GALNT17: variants seen among roughly 807,000 people sequenced by gnomAD.
The protein encoded by GALNT17 is polypeptide N-acetylgalactosaminyltransferase 17.
Under a neutral mutation model 63.7 loss-of-function variants are expected in GALNT17, and 29 were observed. That is an observed-to-expected ratio of 0.46 (90% CI 0.34 to 0.62). The LOEUF is 0.62. GALNT17 is among the 20% of genes least tolerant of loss of function. GALNT17 has a pLI of 0.01. For missense variants in GALNT17, 603 were observed against 799.6 expected (o/e 0.75, Z 2.97); for synonymous variants, 305 against 318.3 (o/e 0.96, Z 0.45).
chr7:71,489,567 C>A (rs540078249), intron 5 of GALNT17, among the ~76,000 whole-genome samples: 1 of 152,344 alleles, frequency 6.6e-6, no homozygotes, highest in Non-Finnish European at 1.5e-5. Flanking sequence ...TGATGTGAGA[C>A]TGTTGTGCTG....
intron 9 of GALNT17, among the ~76,000 whole-genome samples, chr7:71,694,437 A>G (rs1791510048): frequency 6.7e-6 from 1 of 148,182 alleles, no homozygotes; most frequent in South Asian, 2.1e-4. Context: ...GGCTCACTGC[A>G]ACCTCTGCCA....
intron 5 of GALNT17, among the ~76,000 whole-genome samples, chr7:71,479,296 A>G (rs1201190432): frequency 6.6e-6 from 1 of 152,108 alleles, no homozygotes; most frequent in African/African-American, 2.4e-5. Flanking sequence ...TGTGGCAAGT[A>G]AAGAAAAGGC....
chr7:71,437,790 C>T (rs1321953453), intron 5 of GALNT17, among the ~76,000 whole-genome samples: 3 of 152,196 alleles, frequency 2.0e-5, no homozygotes, highest in African/African-American at 7.2e-5. Context: ...TCATAGCTCA[C>T]TGTAACCTTG....
At position 71,413,541 on chromosome 7, in the gene GALNT17, G is replaced by GCA. The variant is rs562580886; in HGVS notation, c.590-2348_590-2347insCA. ...CCACCATGCCCAGCTATTATTTTTT[G>GCA]TATTTTTTTTTTAGAAGAGACAGGG... On this transcript the variant is annotated intron_variant, in intron 3 of 10. Transcript: ENST00000333538. Among the ~76,000 whole-genome samples the GCA allele has an allele frequency of 6.2e-4, 37 of 59,880 alleles. 4 individuals carry two copies. Among genetic ancestry groups the GCA allele is most frequent in the East Asian group, 4.7e-3 (14 of 3,002 alleles). The allele number at this position is 59,880 out of a possible 152,430, so 39.3% of individuals were successfully genotyped here.
chr7:71,408,691 T>C (rs1322965274), intron 3 of GALNT17, among the ~76,000 whole-genome samples: 1 of 151,912 alleles, frequency 6.6e-6, no homozygotes, highest in African/African-American at 2.4e-5. Context: ...CCGGGTAACA[T>C]AGCGAGACCT....
chr7:71,568,850 A>G (rs1011698913), intron 5 of GALNT17, among the ~76,000 whole-genome samples: 13 of 152,218 alleles, frequency 8.5e-5, no homozygotes, highest in South Asian at 6.2e-4. Flanking sequence ...CTAATTTACA[A>G]TGCATGGTCC....
At chr7:71,189,946 G>A (rs1788919852) in intron 1 of GALNT17, among the ~76,000 whole-genome samples, 1 of 151,926 alleles carries the variant, frequency 6.6e-6, no homozygotes, top group Non-Finnish European at 1.5e-5. Flanking sequence ...GAGTAGCTGG[G>A]ACTACAGGTG....
At chr7:71,576,344 G>A (rs1233143625) in intron 6 of GALNT17, among the ~76,000 whole-genome samples, 2 of 152,180 alleles carry the variant, frequency 1.3e-5, no homozygotes, top group Non-Finnish European at 2.9e-5. Context: ...TTGTGAGAAT[G>A]ATTTATTTAT....
At chr7:71,335,104 C>G (rs1482308954) in intron 1 of GALNT17, among the ~76,000 whole-genome samples, 1 of 152,048 alleles carries the variant, frequency 6.6e-6, no homozygotes, top group Non-Finnish European at 1.5e-5. Context: ...TCCCAGTCCC[C>G]AAAAGGAGAG....
chr7:71,665,413 A>G lies in GALNT17; in HGVS notation c.1083A>G (p.Val361=), dbSNP rs766487027. ...TGATGAAATCTTTGTACCCCTAGGT[A>G]TGGCTCTGTGGGGGCAGCATGGAGG... is the stretch of plus-strand genomic sequence containing the variant. ...GGENIELGIK[V]WLCGGSMEVL... Residue 361 remains valine (V), a splice_region_variant and synonymous_variant, in exon 7 of 11, where the codon GTA becomes GTG. Coordinates refer to ENST00000333538, the MANE Select transcript of GALNT17 (RefSeq NM_022479.3). The G allele has an allele frequency of 3.1e-6, 5 of 1,608,366 alleles. No individual in the cohort carries two copies. Among genetic ancestry groups the G allele is most frequent in the Non-Finnish European group, 4.2e-6 (5 of 1,178,740 alleles).
chr7:71,377,536 G>T (rs1466673335), intron 2 of GALNT17, among the ~76,000 whole-genome samples: 5 of 151,982 alleles, frequency 3.3e-5, no homozygotes, highest in Admixed American at 6.6e-5. Context: ...ATCTCTTCCT[G>T]CCCTGCTTCT....
chr7:71,211,129 G>A (rs1276058488), intron 1 of GALNT17, among the ~76,000 whole-genome samples: 1 of 152,132 alleles, frequency 6.6e-6, no homozygotes, highest in Non-Finnish European at 1.5e-5. Flanking sequence ...TTACCTTGGT[G>A]ATATGGTTTG....
intron 1 of GALNT17, among the ~76,000 whole-genome samples, chr7:71,329,047 T>G (rs1170276301): frequency 6.6e-6 from 1 of 152,180 alleles, no homozygotes; most frequent in African/African-American, 2.4e-5. Context: ...GATTGGAAGC[T>G]CTCTATTTAG....
At chr7:71,670,137 T>C in intron 8 of GALNT17, 28 bp downstream of exon 8, 1 of 1,613,778 alleles carries the variant, frequency 6.2e-7, no homozygotes, top group Non-Finnish European at 8.5e-7. Flanking sequence ...TGCTTTTGGC[T>C]TGGAATGCTG....
At chr7:71,221,854 C>G (rs778035661) in intron 1 of GALNT17, among the ~76,000 whole-genome samples, 1 of 151,450 alleles carries the variant, frequency 6.6e-6, no homozygotes, top group Non-Finnish European at 1.5e-5. Flanking sequence ...ATGGTCAAAG[C>G]TCATAAATTA....
chr7:71,431,497 A>G (rs1364517074), intron 5 of GALNT17, among the ~76,000 whole-genome samples: 2 of 152,066 alleles, frequency 1.3e-5, no homozygotes, highest in African/African-American at 4.8e-5. Flanking sequence ...GGTGGGAGCC[A>G]CCGTACCTGG....
intron 1 of GALNT17, among the ~76,000 whole-genome samples, chr7:71,175,502 G>T (rs773588317): frequency 6.6e-6 from 1 of 152,160 alleles, no homozygotes; most frequent in Non-Finnish European, 1.5e-5. Context: ...ATGCAGGGGA[G>T]TGACTTGTGT....
intron 6 of GALNT17, among the ~76,000 whole-genome samples, chr7:71,576,929 G>A (rs1274152930): frequency 1.3e-5 from 2 of 152,144 alleles, no homozygotes; most frequent in Admixed American, 1.3e-4. Flanking sequence ...TCATCACAGT[G>A]CTATTCGCAA....
chr7:71,255,244 C>G (rs58101867), intron 1 of GALNT17, among the ~76,000 whole-genome samples: 1 of 152,100 alleles, frequency 6.6e-6, no homozygotes, highest in Non-Finnish European at 1.5e-5. Context: ...CTGAATCATG[C>G]GGGTGGGTCT....
Sources: allele counts gnomAD v4.1 joint callset (sites outside exome capture counted in the v4.1 genomes callset), GRCh38; gene constraint gnomAD v4.1.1; transcripts MANE v1.5; gene names NCBI Gene and HGNC (gene_info 2026-07-23, HGNC 2026-07-21).